The following ALK variants were observed in gnomAD, a reference collection of about 807,000 sequenced individuals.
The protein encoded by ALK is ALK receptor tyrosine kinase, also known as ALK tyrosine kinase receptor.
A neutral mutation model predicts 163.1 loss-of-function variants in ALK; 74 were observed. The observed-to-expected ratio is 0.45, with a 90% confidence interval of 0.38 to 0.55. The LOEUF is 0.55. Ranked by LOEUF, ALK falls within the 20% of genes least tolerant of loss-of-function variation. The pLI, the probability that ALK is intolerant of heterozygous loss-of-function variation, is 0.00. For missense variants in ALK, 2,063 were observed against 2,105.3 expected (o/e 0.98, Z 0.39); for synonymous variants, 960 against 843.2 (o/e 1.14, Z -2.40).
chr2:29,323,985 G>T (rs1199007708), intron 6 of ALK, among the ~76,000 whole-genome samples: 2 of 152,130 alleles, frequency 1.3e-5, no homozygotes, highest in Non-Finnish European at 2.9e-5. Context: ...TAAAATGTGT[G>T]GAATCTCAGG....
chr2:29,880,706 C>T (rs908022833), intron 1 of ALK, among the ~76,000 whole-genome samples: 1 of 152,166 alleles, frequency 6.6e-6, no homozygotes, highest in African/African-American at 2.4e-5. Context: ...TATGGGAAAG[C>T]CACATTTCTT....
intron 3 of ALK, among the ~76,000 whole-genome samples, chr2:29,546,801 A>AG (rs1673566948): frequency 1.1e-4 from 16 of 148,858 alleles, no homozygotes; most frequent in Admixed American, 9.4e-4. Flanking sequence ...TTTAAAAAGC[A>AG]ATTTTTTGCC....
intron 1 of ALK, among the ~76,000 whole-genome samples, chr2:29,762,726 G>A (rs549725191): frequency 3.9e-5 from 6 of 152,328 alleles, no homozygotes; most frequent in Middle Eastern, 3.4e-3. Flanking sequence ...TTGCAGCCAT[G>A]CAAGGAGGTT....
chr2:29,797,613 G>C (rs777867183), intron 1 of ALK, among the ~76,000 whole-genome samples: 23 of 152,178 alleles, frequency 1.5e-4, no homozygotes, highest in Middle Eastern at 3.4e-3. Context: ...CAAGTGCCAG[G>C]GACATTGCTT....
At chr2:29,678,092 A>T (rs145591544) in intron 3 of ALK, among the ~76,000 whole-genome samples, 8 of 152,150 alleles carry the variant, frequency 5.3e-5, no homozygotes, top group African/African-American at 1.4e-4. Context: ...TATATTGGCA[A>T]AAGGATGTTT....
At chr2:29,736,677 G>A (rs6757403) in intron 1 of ALK, among the ~76,000 whole-genome samples, 8,383 of 151,926 alleles carry the variant, frequency 0.055, 842 homozygotes, top group African/African-American at 0.19. Flanking sequence ...ATGTAGTGTC[G>A]ACTTTTGGCA....
chr2:29,402,822 C>G (rs1007990338), intron 4 of ALK, among the ~76,000 whole-genome samples: 1 of 152,162 alleles, frequency 6.6e-6, no homozygotes, highest in African/African-American at 2.4e-5. Flanking sequence ...TCTCGCCAAG[C>G]AGCTCCAGCA....
At chr2:29,221,736 C>T (rs188198691) in intron 22 of ALK, among the ~76,000 whole-genome samples, 196 of 152,298 alleles carry the variant, frequency 1.3e-3, no homozygotes, top group African/African-American at 4.5e-3. Flanking sequence ...CCTGTCAGGA[C>T]GTTCAGAGTC....
At chr2:29,886,459 C>T (rs139039336) in intron 1 of ALK, among the ~76,000 whole-genome samples, 1 of 152,312 alleles carries the variant, frequency 6.6e-6, no homozygotes, top group African/African-American at 2.4e-5. Context: ...TTGCCTGTAC[C>T]TTCATCTTTG....
chr2:29,233,427 T>G lies in ALK; in HGVS notation c.2487+138A>C, dbSNP rs1459266997. The G allele has an allele frequency of 1.6e-5, 20 of 1,271,050 alleles. No individual in the cohort carries two copies. The African/African-American group carries it at 2.6e-4, about 17-fold the overall frequency. 78.7% of individuals were successfully genotyped at this position (1,271,050 alleles called of 1,614,324 possible). A position where few individuals can be genotyped will look rare whatever the true frequency, so the allele number is the denominator to read the frequency against. ...TCCCAAAATACTAGGATTACAGGAATGAGCCACTGTACCTGGCCCTGCTCA... is the reference window on the plus strand; with the variant it reads ...TCCCAAAATACTAGGATTACAGGAAGGAGCCACTGTACCTGGCCCTGCTCA... On this transcript the variant is annotated intron_variant, in intron 14 of 28. Coordinates refer to ENST00000389048, the MANE Select transcript of ALK (RefSeq NM_004304.5).
intron 3 of ALK, among the ~76,000 whole-genome samples, chr2:29,543,068 T>G (rs930925111): frequency 1.3e-5 from 2 of 152,148 alleles, no homozygotes; most frequent in African/African-American, 4.8e-5. Context: ...AGAAAAAGCA[T>G]ATAAATTTAT....
rs1672879628 is a variant in ALK at position 29,523,858 on chromosome 2, G to GTCTTTTTT, written c.1154+8056_1154+8057insAAAAAAGA. 8.1e-5 allele frequency among the ~76,000 whole-genome samples: 9 copies of GTCTTTTTT among 110,950 alleles called. 2 individuals are homozygous for GTCTTTTTT. Among genetic ancestry groups the GTCTTTTTT allele is most frequent in the Non-Finnish European group, 7.0e-5 (4 of 56,738 alleles). 72.8% of individuals were successfully genotyped at this position (110,950 alleles called of 152,430 possible). Reference sequence around the variant, plus strand: ...AGGTCAGAACTGGCAGAAGCTGAAGGTTTTTTTTTTTTTTTTTTTTTTTTT... The same window carrying GTCTTTTTT: ...AGGTCAGAACTGGCAGAAGCTGAAGGTCTTTTTTTTTTTTTTTTTTTTTTTTTTTTTTT... On this transcript the variant is annotated intron_variant, in intron 4 of 28. Transcript: ENST00000389048.
At chr2:29,248,961 C>G (rs1334804356) in intron 12 of ALK, among the ~76,000 whole-genome samples, 1 of 152,276 alleles carries the variant, frequency 6.6e-6, no homozygotes, top group Non-Finnish European at 1.5e-5. Context: ...CTGCCTGCTG[C>G]TGCATAGCAG....
intron 3 of ALK, among the ~76,000 whole-genome samples, chr2:29,634,512 T>C (rs916812846): frequency 2.6e-5 from 4 of 152,044 alleles, no homozygotes; most frequent in African/African-American, 9.7e-5. Flanking sequence ...ATTGACAAGC[T>C]AAAGAAGATA....
At chr2:29,434,041 G>A (rs1484678976) in intron 4 of ALK, among the ~76,000 whole-genome samples, 1 of 152,070 alleles carries the variant, frequency 6.6e-6, no homozygotes, top group Non-Finnish European at 1.5e-5. Context: ...TACTGAAAAG[G>A]CAAAGCATGG....
intron 9 of ALK, among the ~76,000 whole-genome samples, chr2:29,280,571 A>G (rs1207564914): frequency 6.8e-6 from 1 of 146,682 alleles, no homozygotes; most frequent in Non-Finnish European, 1.5e-5. Context: ...ATACAGATGG[A>G]CCACTCTGGG....
chr2:29,282,155 G>T (rs1411648064), intron 9 of ALK, among the ~76,000 whole-genome samples: 1 of 152,108 alleles, frequency 6.6e-6, no homozygotes, highest in Admixed American at 6.6e-5. Context: ...CCTTTTTGCT[G>T]CTGGTGCTTG....
intron 3 of ALK, among the ~76,000 whole-genome samples, chr2:29,689,043 C>A (rs561241255): frequency 6.6e-6 from 1 of 152,292 alleles, no homozygotes; most frequent in African/African-American, 2.4e-5. Context: ...ATCTTACTGA[C>A]AGCCTGTCCT....
At chr2:29,605,519 C>T (rs1406952617) in intron 3 of ALK, among the ~76,000 whole-genome samples, 2 of 152,192 alleles carry the variant, frequency 1.3e-5, no homozygotes, top group Non-Finnish European at 2.9e-5. Context: ...AGATAGATGA[C>T]TTAGATGAAG....
Sources: allele counts gnomAD v4.1 joint callset (sites outside exome capture counted in the v4.1 genomes callset), GRCh38; gene constraint gnomAD v4.1.1; transcripts MANE v1.5; gene names NCBI Gene and HGNC (gene_info 2026-07-23, HGNC 2026-07-21).